The following ROBO2 variants were observed in gnomAD, a reference collection of about 807,000 sequenced individuals.
ROBO2 encodes roundabout homolog 2.
Under a neutral mutation model 160.8 loss-of-function variants are expected in ROBO2, and 53 were observed. The observed-to-expected ratio is 0.33, with a 90% CI of 0.26 to 0.41. ROBO2 has a LOEUF of 0.41. Among genes scored for constraint, ROBO2 ranks in the 10% least tolerant of loss-of-function variants. The probability of loss-of-function intolerance (pLI) is 1.00; values close to 1 mark genes in which losing one functional copy is unlikely to be tolerated. For missense variants in ROBO2, 1,577 were observed against 1,722.4 expected, an observed-to-expected ratio of 0.92 and a Z score of 1.49; for synonymous variants, 664 against 611.7, an observed-to-expected ratio of 1.09 and a Z score of -1.26.
intron 2 of ROBO2, among the ~76,000 whole-genome samples, chr3:77,176,193 A>G (rs1479758279): frequency 1.3e-5 from 2 of 151,968 alleles, no homozygotes; most frequent in Non-Finnish European, 2.9e-5. Context: ...GTCAAAATTC[A>G]TTTACTTCAG....
intron 2 of ROBO2, among the ~76,000 whole-genome samples, chr3:77,105,868 C>T (rs764356751): frequency 5.3e-5 from 8 of 152,060 alleles, no homozygotes; most frequent in Non-Finnish European, 7.3e-5. Flanking sequence ...CTGAGGTCTG[C>T]AGTCAAGTAG....
intron 2 of ROBO2, among the ~76,000 whole-genome samples, chr3:76,208,808 C>T (rs1702964879): frequency 2.0e-5 from 3 of 152,214 alleles, no homozygotes; most frequent in South Asian, 4.1e-4. Flanking sequence ...GATAATGGCA[C>T]GGACATCTAC....
At chr3:76,265,519 G>A (rs1707043916) in intron 2 of ROBO2, among the ~76,000 whole-genome samples, 1 of 152,098 alleles carries the variant, frequency 6.6e-6, no homozygotes, top group African/African-American at 2.4e-5. Context: ...GCAGTAGACG[G>A]TGTCAGAAAA....
At chr3:76,910,919 T>C (rs2075956028) in intron 2 of ROBO2, among the ~76,000 whole-genome samples, 1 of 152,072 alleles carries the variant, frequency 6.6e-6, no homozygotes, top group Admixed American at 6.6e-5. Context: ...CTTTTTTTGC[T>C]TCATTCGAAT....
At chr3:76,675,111 A>G (rs1364385298) in intron 2 of ROBO2, among the ~76,000 whole-genome samples, 2 of 152,186 alleles carry the variant, frequency 1.3e-5, no homozygotes, top group Admixed American at 6.5e-5. Context: ...AGGGCACAGC[A>G]TTGGCTGTCT....
intron 2 of ROBO2, among the ~76,000 whole-genome samples, chr3:76,877,446 G>A (rs1302594982): frequency 6.6e-6 from 1 of 152,164 alleles, no homozygotes; most frequent in Non-Finnish European, 1.5e-5. Context: ...AAATGTTTTA[G>A]AACGATGAGT....
chr3:76,520,121 C>T (rs1157790392), intron 2 of ROBO2, among the ~76,000 whole-genome samples: 3 of 152,110 alleles, frequency 2.0e-5, no homozygotes, highest in Admixed American at 1.3e-4. Flanking sequence ...TCCAATTAAC[C>T]CTCAATGAGC....
At chr3:76,776,561 T>C (rs906492236) in intron 2 of ROBO2, among the ~76,000 whole-genome samples, 3 of 150,890 alleles carry the variant, frequency 2.0e-5, no homozygotes, top group Non-Finnish European at 3.0e-5. Flanking sequence ...CAGATGCAGA[T>C]ATGCCATTGC....
chr3:76,856,166 T>C (rs1559608351), intron 2 of ROBO2, among the ~76,000 whole-genome samples: 2 of 152,210 alleles, frequency 1.3e-5, no homozygotes, highest in African/African-American at 4.8e-5. Flanking sequence ...CTGAAGTCGA[T>C]ACAGGCTTAG....
At chr3:76,250,992 T>C (rs914002873) in intron 2 of ROBO2, among the ~76,000 whole-genome samples, 1 of 152,216 alleles carries the variant, frequency 6.6e-6, no homozygotes, top group African/African-American at 2.4e-5. Flanking sequence ...AAGATACTTA[T>C]GCTTATAACC....
chr3:76,765,561 A>G (rs1056856204), intron 2 of ROBO2, among the ~76,000 whole-genome samples: 1 of 151,636 alleles, frequency 6.6e-6, no homozygotes, highest in African/African-American at 2.4e-5. Context: ...TATAGCTACC[A>G]CCTGGTTCTC....
intron 2 of ROBO2, among the ~76,000 whole-genome samples, chr3:77,315,023 TA>T (rs1219711025): frequency 2.6e-5 from 4 of 152,106 alleles, no homozygotes; most frequent in African/African-American, 7.2e-5. Context: ...TGAATAATAA[TA>T]AAAATGAAAA....
intron 2 of ROBO2, among the ~76,000 whole-genome samples, chr3:76,121,518 G>A (rs2070752365): frequency 6.6e-6 from 1 of 152,086 alleles, no homozygotes; most frequent in African/African-American, 2.4e-5. Context: ...TATAAGCTAA[G>A]TGTTTATGTA....
At chr3:76,362,557 A>AG (rs2108401361) in intron 2 of ROBO2, among the ~76,000 whole-genome samples, 1 of 152,220 alleles carries the variant, frequency 6.6e-6, no homozygotes, top group East Asian at 1.9e-4. Context: ...CTTATTTATA[A>AG]GGGGAAAAAT....
intron 5 of ROBO2, among the ~76,000 whole-genome samples, chr3:77,503,228 T>A (rs756168288): frequency 5.4e-4 from 82 of 151,398 alleles, no homozygotes; most frequent in Non-Finnish European, 1.1e-3. Flanking sequence ...ATTAAAAAAA[T>A]AATAATAATA....
At chr3:76,128,652 C>G (rs1281899509) in intron 2 of ROBO2, among the ~76,000 whole-genome samples, 2 of 151,880 alleles carry the variant, frequency 1.3e-5, no homozygotes, top group Non-Finnish European at 2.9e-5. Context: ...CATATGAATT[C>G]TCTGGAAGAG....
intron 2 of ROBO2, among the ~76,000 whole-genome samples, chr3:76,336,612 A>G (rs779961085): frequency 3.3e-5 from 5 of 152,206 alleles, no homozygotes; most frequent in Non-Finnish European, 5.9e-5. Context: ...AATATTCACT[A>G]AATACTTCAT....
intron 2 of ROBO2, among the ~76,000 whole-genome samples, chr3:77,224,819 G>T (rs998846159): frequency 2.3e-4 from 35 of 151,792 alleles, no homozygotes; most frequent in African/African-American, 8.5e-4. Context: ...TTATAGATAA[G>T]ATATACTTTA....
intron 2 of ROBO2, among the ~76,000 whole-genome samples, chr3:77,295,135 A>G (rs1205707136): frequency 1.3e-5 from 2 of 150,746 alleles, no homozygotes; most frequent in African/African-American, 5.0e-5. Flanking sequence ...GTCACCCCAG[A>G]TATAAAGTAA....
Sources: allele counts gnomAD v4.1 joint callset (sites outside exome capture counted in the v4.1 genomes callset), GRCh38; gene constraint gnomAD v4.1.1; transcripts MANE v1.5; gene names NCBI Gene and HGNC (gene_info 2026-07-23, HGNC 2026-07-21).